Variants in MAU2 observed in about 807,000 individuals in gnomAD.
The protein encoded by MAU2 is MAU2 sister chromatid cohesion factor.
In MAU2, 9 loss-of-function variants were observed where a neutral mutation model predicts 89.1. The observed-to-expected ratio is 0.10, with a 90% CI of 0.06 to 0.18. The LOEUF is 0.18. MAU2 is among the 10% of genes least tolerant of loss of function. MAU2 has a pLI of 1.00. For synonymous variants in MAU2, 357 were observed against 343.4 expected (o/e 1.04, Z -0.44); for missense variants, 425 against 803.5 (o/e 0.53, Z 5.69).
chr19:19,342,450 G>A (rs752398589), intron 7 of MAU2, 85 bp from the exon 8 acceptor site: 193 of 1,448,238 alleles, frequency 1.3e-4, no homozygotes, highest in Non-Finnish European at 1.7e-4. Flanking sequence ...ATGCTCCCTA[G>A]AGGAAGGAGC....
intron 1 of MAU2, among the ~76,000 whole-genome samples, chr19:19,332,326 ATTTTTTTTTTTTT>A (rs35913129): frequency 2.0e-5 from 2 of 101,974 alleles, no homozygotes; most frequent in Admixed American, 2.3e-4. Context: ...TGCCTGGCTG[ATTTTTTTTTTTTT>A]TTTTTTTTTT....
In MAU2 at chr19:19,320,891, C is replaced by A; in HGVS notation, c.32C>A (p.Ala11Glu). 1 of 1,492,258 alleles carries A rather than the reference C, an allele frequency of 6.7e-7. No individual in the cohort carries two copies. The highest frequency in any genetic ancestry group is 9.0e-7 in the Non-Finnish European group (1 of 1,108,238). 92.4% of individuals were successfully genotyped at this position (1,492,258 alleles called of 1,614,324 possible). Residue 11 changes from alanine (A) to glutamate (E), a missense_variant, in exon 1 of 19, where the codon GCG becomes GAG. Coordinates refer to ENST00000262815, the MANE Select transcript of MAU2 (RefSeq NM_015329.4). ...GCTCAGGCGGCGGCAGCGGCCCAGGCGGCGGCGGCCCAGGCTGCGCAGGCC... is the reference window on the plus strand; with the variant it reads ...GCTCAGGCGGCGGCAGCGGCCCAGGAGGCGGCGGCCCAGGCTGCGCAGGCC... MAAQAAAAAQAAAAQAAQAEA... is the reference protein window; with the variant it reads MAAQAAAAAQEAAAQAAQAEA...
At chr19:19,344,813 G>T (rs1428979115) in intron 10 of MAU2, 36 bp from the exon 11 acceptor site, 2 of 1,572,950 alleles carry the variant, frequency 1.3e-6, no homozygotes, top group South Asian at 1.1e-5. Flanking sequence ...GTCCCAGGTT[G>T]CAGTCCTGTG....
In MAU2 at chr19:19,345,138, C is replaced by A; in HGVS notation, c.1156-166C>A. 1 of 733,914 alleles carries A rather than the reference C, an allele frequency of 1.4e-6. No homozygotes were observed. The allele number at this position is 733,914 out of a possible 1,614,324, so 45.5% of individuals were successfully genotyped here. The stretch of plus-strand genomic sequence containing the variant: ...TGTCCCACCCCACATTGGCTTGGGT[C>A]TGAAAGGTGGGGACAGTGAGCATAT... On this transcript the variant is annotated intron_variant, in intron 11 of 18. Coordinates refer to ENST00000262815, the MANE Select transcript of MAU2 (RefSeq NM_015329.4). This position sits in a 1 kb window ranked among gnomAD's most constrained non-coding sequence, Gnocchi z 4.9.
At chr19:19,355,011 G>T in intron 17 of MAU2, 1 of 454,376 alleles carries the variant, frequency 2.2e-6, no homozygotes, top group Non-Finnish European at 4.0e-6. Context: ...GCTGGCCATG[G>T]GCTCCCTGGA....
intron 1 of MAU2, among the ~76,000 whole-genome samples, chr19:19,329,287 C>T (rs1015270384): frequency 6.6e-6 from 1 of 152,138 alleles, no homozygotes; most frequent in Non-Finnish European, 1.5e-5. Context: ...TGTGCTTCCT[C>T]CTGTTTTTGT....
chr19:19,329,817 T>G (rs1446973010), intron 1 of MAU2, among the ~76,000 whole-genome samples: 3 of 150,364 alleles, frequency 2.0e-5, no homozygotes. Context: ...AATTGAAAAA[T>G]TAGCCACACA....
chr19:19,354,053 T>C, intron 16 of MAU2: 1 of 446,282 alleles, frequency 2.2e-6, no homozygotes. Context: ...GGTCTAGGGC[T>C]AACGGCCATC....
chr19:19,321,181 A>C, intron 1 of MAU2, 46 bp downstream of exon 1: 1 of 1,532,340 alleles, frequency 6.5e-7, no homozygotes, highest in East Asian at 2.5e-5. Context: ...GGCTCCTTGC[A>C]AGATCTGGGC....
intron 12 of MAU2, chr19:19,346,977 T>C (rs576743570): frequency 3.1e-6 from 1 of 318,060 alleles, no homozygotes; most frequent in Admixed American, 4.7e-5. Context: ...GTCCACCAGG[T>C]CTCAGTCCTG....
chr19:19,326,653 T>G lies in MAU2; in HGVS notation c.276+5518T>G, dbSNP rs923880103. On this transcript the variant is annotated intron_variant, in intron 1 of 18. Transcript: ENST00000262815. ...GTGAGCTGAGATCGCGCCACTGCACTCCAGACTGGGCGAAAGAGCGAGACT... is the reference window on the plus strand; with the variant it reads ...GTGAGCTGAGATCGCGCCACTGCACGCCAGACTGGGCGAAAGAGCGAGACT... Among the ~76,000 whole-genome samples, 3 of 147,740 alleles carry G rather than the reference T, an allele frequency of 2.0e-5. No individual in the cohort carries two copies. In the Admixed American group the frequency reaches 2.0e-4, roughly 10 times the overall value.
chr19:19,330,735 C>T (rs1443610942), intron 1 of MAU2, among the ~76,000 whole-genome samples: 1 of 151,888 alleles, frequency 6.6e-6, no homozygotes, highest in African/African-American at 2.4e-5. Context: ...AGCGAAAATT[C>T]ATCTCAAAAA....
chr19:19,323,588 C>T (rs1351326973), intron 1 of MAU2, among the ~76,000 whole-genome samples: 1 of 152,150 alleles, frequency 6.6e-6, no homozygotes, highest in Admixed American at 6.6e-5. Context: ...CTCACTGCAG[C>T]CTTGACCTCC....
intron 1 of MAU2, 76 bp downstream of exon 1, chr19:19,321,211 C>T (rs1213683872): frequency 1.4e-6 from 2 of 1,401,542 alleles, no homozygotes; most frequent in South Asian, 3.1e-5. Context: ...GCGACCGCGG[C>T]GGGTGGGGGG....
chr19:19,338,041 G>C (rs931880778), intron 4 of MAU2, among the ~76,000 whole-genome samples: 2 of 152,212 alleles, frequency 1.3e-5, no homozygotes, highest in African/African-American at 2.4e-5. Flanking sequence ...TGCCTTCCGG[G>C]CCACCACTTA....
rs527562838 is a variant in MAU2, at chr19:19,346,178, T to C, written c.1221+809T>C. 2.0e-5 allele frequency among the ~76,000 whole-genome samples: 3 copies of C among 152,162 alleles called. 1 individual carries two copies. The South Asian group carries it at 6.2e-4, about 32-fold the overall frequency. On this transcript the variant is annotated intron_variant, in intron 12 of 18. Transcript: ENST00000262815. ...TCAGAGATGCACAGGAGCCCTGACA[T>C]GCAGACAGCATGCTTGGGAGGGAAG...
chr19:19,330,641 G>A (rs919284832), intron 1 of MAU2, among the ~76,000 whole-genome samples: 8 of 152,176 alleles, frequency 5.3e-5, no homozygotes, highest in South Asian at 2.1e-4. Flanking sequence ...TCGGGAGGCT[G>A]AGGCAGGAGA....
At chr19:19,330,192 T>C (rs56680210) in intron 1 of MAU2, among the ~76,000 whole-genome samples, 3 of 151,652 alleles carry the variant, frequency 2.0e-5, no homozygotes, top group Non-Finnish European at 4.4e-5. Flanking sequence ...GTTGCCCAGG[T>C]TGGTCTCAAA....
At chr19:19,335,673 C>A in intron 1 of MAU2, 45 bp from the exon 2 acceptor site, 1 of 1,610,278 alleles carries the variant, frequency 6.2e-7, no homozygotes, top group East Asian at 2.2e-5. Context: ...AACCAGGTGC[C>A]AGGTGTTTGC....
Sources: gnomAD v4.1 joint callset for allele counts (sites outside exome capture counted in the v4.1 genomes callset) on GRCh38, gnomAD v4.1.1 for gene constraint, Gnocchi (gnomAD v3.1) non-coding constraint, MANE v1.5 for transcripts, NCBI Gene and HGNC (gene_info 2026-07-23, HGNC 2026-07-21) for gene names.